The following KIRREL2 variants were observed in gnomAD, a reference collection of about 807,000 sequenced individuals.
KIRREL2 encodes kin of IRRE-like protein 2.
Under a neutral mutation model 73.4 loss-of-function variants are expected in KIRREL2, and 56 were observed. That is an observed-to-expected ratio of 0.76 (90% CI 0.62 to 0.95). The LOEUF (loss-of-function observed/expected upper bound fraction) is 0.95. Among genes scored for constraint, KIRREL2 ranks in the 40% least tolerant of loss-of-function variants. The pLI is 0.00. For synonymous variants in KIRREL2, 407 were observed against 404.0 expected (o/e 1.01, Z -0.09); for missense variants, 896 against 935.0 (o/e 0.96, Z 0.54).
chr19:35,855,815 TA>T (rs1973404324), upstream of KIRREL2: 2 of 151,858 alleles, frequency 1.3e-5, no homozygotes, highest in African/African-American at 4.8e-5. Context: ...TCTTAAGACT[TA>T]AGACCAGATA....
At chr19:35,851,845 C>T, upstream of KIRREL2, 1 of 1,550,512 alleles carries the variant, frequency 6.4e-7, no homozygotes, top group Non-Finnish European at 8.7e-7. Flanking sequence ...CATCACAGGT[C>T]CCCCTACTGT....
upstream of KIRREL2, among the ~76,000 whole-genome samples, chr19:35,854,861 C>T (rs1182129261): frequency 6.6e-6 from 1 of 152,138 alleles, no homozygotes; most frequent in East Asian, 1.9e-4. Flanking sequence ...GCCTCTTTCT[C>T]TTATGTGTCT....
At position 35,864,594 on chromosome 19, in the gene KIRREL2, A is replaced by G. The variant is rs1005511754; in HGVS notation, c.1726-54A>G. ...TGGCTGAAGGTCCTTGGGGTCTGGC[A>G]TTGGGGCGGGGGGATCCTCTGACTA... is the stretch of plus-strand genomic sequence containing the variant. On this transcript the variant is annotated intron_variant, in intron 13 of 14. Transcript: ENST00000360202. The G allele has an allele frequency of 1.8e-5, 27 of 1,484,884 alleles. No homozygotes were observed. The African/African-American group carries it at 2.6e-4, about 14-fold the overall frequency. The allele number at this position is 1,484,884 out of a possible 1,614,324, so 92.0% of individuals were successfully genotyped here. A position where few individuals can be genotyped will look rare whatever the true frequency, so the allele number is the denominator to read the frequency against.
chr19:35,861,327 A>C (rs1973671699), intron 9 of KIRREL2, 73 bp downstream of exon 9: 9 of 1,506,390 alleles, frequency 6.0e-6, no homozygotes, highest in Admixed American at 2.3e-5. Flanking sequence ...GCAAGGGCTA[A>C]TGCAGTGGGA....
rs1264508005 is a variant in KIRREL2, at chr19:35,857,094, CA to C, written c.-23del. The C allele has an allele frequency of 1.9e-6, 3 of 1,612,332 alleles. No individual in the cohort carries two copies. Among genetic ancestry groups the C allele is most frequent in the Non-Finnish European group, 2.5e-6 (3 of 1,179,090 alleles). ...GTTGACGGGAAGGCCAGTGCGACGGCAAATCTCGTGAACCTTGGGGGACGAA... is the reference window on the plus strand; with the variant it reads ...GTTGACGGGAAGGCCAGTGCGACGGCAATCTCGTGAACCTTGGGGGACGAA... On this transcript the variant is annotated 5_prime_UTR_variant, in exon 1 of 15. Transcript: ENST00000360202.
upstream of KIRREL2, among the ~76,000 whole-genome samples, chr19:35,854,002 ACCCAGCT>A (rs1973347432): frequency 6.6e-6 from 1 of 151,388 alleles, no homozygotes; most frequent in African/African-American, 2.4e-5. Context: ...TGACCACCAC[ACCCAGCT>A]AATTTTTGTA....
intron 7 of KIRREL2, 102 bp downstream of exon 7, chr19:35,860,769 G>A: frequency 6.3e-7 from 1 of 1,582,624 alleles, no homozygotes; most frequent in Non-Finnish European, 8.6e-7. Flanking sequence ...AGCGAGCGTG[G>A]GGTATTAGGA....
intron 4 of KIRREL2, among the ~76,000 whole-genome samples, chr19:35,859,250 G>A (rs1466295013): frequency 2.6e-5 from 4 of 152,190 alleles, no homozygotes; most frequent in African/African-American, 7.2e-5. Flanking sequence ...TCCAACCTGC[G>A]GCCCATGGGC....
chr19:35,858,329 T>G, intron 2 of KIRREL2, 79 bp from the exon 3 acceptor site: 1 of 1,530,782 alleles, frequency 6.5e-7, no homozygotes, highest in Non-Finnish European at 8.9e-7. Flanking sequence ...AGTTTTCTGG[T>G]GGAGGATGTC....
upstream of KIRREL2, chr19:35,851,831 G>T (rs756995769): frequency 5.0e-5 from 78 of 1,551,482 alleles, no homozygotes; most frequent in Non-Finnish European, 6.5e-5. Flanking sequence ...GTCGTCCCCA[G>T]GGCCATCACA....
At position 35,860,331 on chromosome 19, in the gene KIRREL2, C is replaced by T; in HGVS notation, c.708C>T (p.His236=). The change falls in exon 6 of 15, where the codon CAC becomes CAT. Residue 236 remains histidine, a synonymous_variant. Coordinates refer to ENST00000360202, the MANE Select transcript of KIRREL2 (RefSeq NM_199180.4). ...AGGTGACTCTGTCTGCTTCGCCACA[C>T]ACTGTGCAGGAGGGAGAGAAGGTCA... ...PPEVTLSASP[H]TVQEGEKVIF... is the part of the protein sequence containing the mutation. 6.2e-7 allele frequency: 1 copy of T among 1,614,112 alleles called. No homozygotes were observed. The highest frequency in any genetic ancestry group is 8.5e-7 in the Non-Finnish European group (1 of 1,180,022).
chr19:35,851,990 C>G (rs909246138), upstream of KIRREL2, among the ~76,000 whole-genome samples: 1 of 152,100 alleles, frequency 6.6e-6, no homozygotes. Context: ...TTTCCTCTTC[C>G]CCTCTTCCCT....
chr19:35,865,130 C>T lies in KIRREL2; in HGVS notation c.1791+417C>T, dbSNP rs149738448. 3.7e-3 allele frequency among the ~76,000 whole-genome samples: 560 copies of T among 151,722 alleles called. 5 individuals are homozygous for T. Among genetic ancestry groups the T allele is most frequent in the African/African-American group, 0.012 (491 of 41,294 alleles). On this transcript the variant is annotated intron_variant, in intron 14 of 14. Coordinates refer to ENST00000360202, the MANE Select transcript of KIRREL2 (RefSeq NM_199180.4). ...TCCCCAGGCCAGAGCACTTCTCTCTCTCTCTCTCTCCTGCGTACCTAGCAC... is the reference window on the plus strand; with the variant it reads ...TCCCCAGGCCAGAGCACTTCTCTCTTTCTCTCTCTCCTGCGTACCTAGCAC...
rs1336008156 is a variant in KIRREL2, at chr19:35,857,028, C to T, written c.-92C>T. 3 of 1,332,360 alleles carry T rather than the reference C, an allele frequency of 2.3e-6. No homozygotes were observed. The highest frequency in any genetic ancestry group is 1.7e-5 in the Admixed American group (1 of 58,682). The allele number at this position is 1,332,360 out of a possible 1,614,324, so 82.5% of individuals were successfully genotyped here. ...GGCGAAGAGTCGAGCGTGAAGGGGG[C>T]TCCGGGCCAGGGTGACAGGAGGCGT... On this transcript the variant is annotated 5_prime_UTR_variant, in exon 1 of 15. Transcript: ENST00000360202.
chr19:35,857,522 G>A (rs777707227), intron 2 of KIRREL2, 28 bp downstream of exon 2: 42 of 1,514,746 alleles, frequency 2.8e-5, no homozygotes, highest in South Asian at 4.0e-5. Flanking sequence ...ACGCTGGGAC[G>A]GGCTGGCTAG....
chr19:35,864,731 TGGGGCTCCCTTCACTGTTGGGAGAGGC>T lies in KIRREL2; in HGVS notation c.1791+32_1791+58del. Reference sequence around the variant, plus strand: ...AGACCAAGGTGAGTGTTGAGAGGGGTGGGGCTCCCTTCACTGTTGGGAGAGGCGGGGCTCCCTTCATTGTGTTTCCGT... The same window carrying T: ...AGACCAAGGTGAGTGTTGAGAGGGGTGGGGCTCCCTTCATTGTGTTTCCGT... On this transcript the variant is annotated intron_variant, in intron 14 of 14. Coordinates refer to ENST00000360202, the MANE Select transcript of KIRREL2 (RefSeq NM_199180.4). 6.3e-7 allele frequency: 1 copy of T among 1,586,470 alleles called. No individual in the cohort carries two copies.
chr19:35,858,043 T>C (rs1345887538), intron 2 of KIRREL2, among the ~76,000 whole-genome samples: 1 of 148,592 alleles, frequency 6.7e-6, no homozygotes, highest in African/African-American at 2.5e-5. Context: ...TAAATATAAA[T>C]GGAAGATTTA....
rs766029562 is a variant in KIRREL2, at chr19:35,862,585, C to T, written c.1603C>T (p.Arg535Cys). 6.2e-6 allele frequency: 10 copies of T among 1,606,832 alleles called. No homozygotes were observed. Among genetic ancestry groups the T allele is most frequent in the South Asian group, 1.1e-5 (1 of 91,064 alleles). ...CACTGGGGTGGCCCTCTGCTGCTGG[C>T]GCCACAGCAAGGGTTAGTGCCTGAG... ...VITGVALCCW[R>C]HSKASASFSE... is the part of the protein sequence containing the mutation. The change falls in exon 12 of 15, where the codon CGC becomes TGC. Residue 535 changes from arginine (R) to cysteine (C), a missense_variant. Transcript: ENST00000360202.
intron 9 of KIRREL2, 110 bp from the exon 10 acceptor site, chr19:35,861,431 G>A (rs1443380628): frequency 6.9e-6 from 10 of 1,451,234 alleles, no homozygotes; most frequent in Non-Finnish European, 9.5e-6. Context: ...GAGGCGGCGT[G>A]GCCTGATTGA....
Sources: gnomAD v4.1 joint callset for allele counts (sites outside exome capture counted in the v4.1 genomes callset) on GRCh38, gnomAD v4.1.1 for gene constraint, MANE v1.5 for transcripts, NCBI Gene and HGNC (gene_info 2026-07-23, HGNC 2026-07-21) for gene names.